DAB1: variants seen among roughly 807,000 people sequenced by gnomAD.
DAB1 encodes disabled homolog 1.
Under a neutral mutation model 64.6 loss-of-function variants are expected in DAB1, and 15 were observed. The ratio of observed to expected loss-of-function variants is 0.23; its 90% CI spans 0.16 to 0.36. The LOEUF is 0.36. DAB1 is among the 10% of genes least tolerant of loss of function. The pLI is 1.00. For missense variants in DAB1, 596 were observed against 706.7 expected (o/e 0.84, Z 1.78); for synonymous variants, 235 against 251.9 (o/e 0.93, Z 0.64).
At chr1:57,991,205 G>C (rs1193664659) in intron 5 of DAB1, among the ~76,000 whole-genome samples, 1 of 152,166 alleles carries the variant, frequency 6.6e-6, no homozygotes, top group African/African-American at 2.4e-5. Context: ...GAAATTAATA[G>C]AGGCAGAGGC....
At chr1:57,757,101 T>G (rs1417780066) in intron 6 of DAB1, among the ~76,000 whole-genome samples, 1 of 152,036 alleles carries the variant, frequency 6.6e-6, no homozygotes, top group Non-Finnish European at 1.5e-5. Flanking sequence ...GGGAATCTTG[T>G]AAAAATGCAG....
At chr1:57,463,184 C>G (rs1187266403) in intron 7 of DAB1, among the ~76,000 whole-genome samples, 1 of 152,172 alleles carries the variant, frequency 6.6e-6, no homozygotes. Flanking sequence ...CTGTTCTACC[C>G]TGGACAGCTT....
At chr1:57,850,293 T>C (rs1292522989) in intron 1 of DAB1, among the ~76,000 whole-genome samples, 1 of 152,106 alleles carries the variant, frequency 6.6e-6, no homozygotes. Flanking sequence ...AGTACCAAAG[T>C]GGCTTAGTGC....
intron 5 of DAB1, among the ~76,000 whole-genome samples, chr1:57,959,633 C>A (rs1645470516): frequency 6.6e-6 from 1 of 152,098 alleles, no homozygotes; most frequent in Non-Finnish European, 1.5e-5. Context: ...TTTAAATTAT[C>A]TTGTAGCTCT....
intron 4 of DAB1, among the ~76,000 whole-genome samples, chr1:58,340,984 G>T (rs72669813): frequency 0.027 from 4,105 of 152,282 alleles, 93 homozygotes; most frequent in Non-Finnish European, 0.039. Flanking sequence ...TGAGGGCTAT[G>T]CTGGTAGAAC....
At chr1:57,654,253 G>A (rs575111629) in intron 6 of DAB1, among the ~76,000 whole-genome samples, 1 of 152,164 alleles carries the variant, frequency 6.6e-6, no homozygotes, top group Non-Finnish European at 1.5e-5. Flanking sequence ...AAAACACCTA[G>A]TATGTCAGAT....
intron 7 of DAB1, among the ~76,000 whole-genome samples, chr1:57,511,908 G>A (rs764937979): frequency 5.1e-4 from 77 of 152,196 alleles, no homozygotes; most frequent in Admixed American, 2.7e-3. Flanking sequence ...ACGGCTCTAC[G>A]TTCCCACCTC....
At chr1:57,029,302 C>T (rs548913250) in intron 9 of DAB1, among the ~76,000 whole-genome samples, 1 of 152,272 alleles carries the variant, frequency 6.6e-6, no homozygotes, top group South Asian at 2.1e-4. Context: ...TGGGAACTTC[C>T]ACCTAGATTT....
intron 5 of DAB1, among the ~76,000 whole-genome samples, chr1:57,996,693 G>T (rs1646430351): frequency 6.6e-6 from 1 of 152,156 alleles, no homozygotes; most frequent in African/African-American, 2.4e-5. Context: ...TTCTAGCTCT[G>T]CATAGATGTC....
intron 1 of DAB1, among the ~76,000 whole-genome samples, chr1:57,868,819 C>T (rs781596540): frequency 2.4e-4 from 37 of 152,144 alleles, no homozygotes; most frequent in Non-Finnish European, 4.9e-4. Flanking sequence ...ACAACACACT[C>T]TTCCTTATTG....
intron 2 of DAB1, among the ~76,000 whole-genome samples, chr1:57,203,696 C>T (rs531416010): frequency 3.3e-5 from 5 of 152,290 alleles, no homozygotes; most frequent in African/African-American, 9.6e-5. Context: ...TTTGTGACCT[C>T]TGCACTGGAC....
chr1:58,351,474 G>A (rs1375233961), intron 3 of DAB1, among the ~76,000 whole-genome samples: 2 of 152,020 alleles, frequency 1.3e-5, no homozygotes, highest in African/African-American at 4.8e-5. Flanking sequence ...AATGATCAGT[G>A]GGAGTGAAGG....
intron 6 of DAB1, among the ~76,000 whole-genome samples, chr1:57,656,674 C>T (rs1450811073): frequency 2.0e-5 from 3 of 152,152 alleles, no homozygotes; most frequent in African/African-American, 7.2e-5. Context: ...TTTTAATAAG[C>T]ACTATGTTTG....
intron 3 of DAB1, among the ~76,000 whole-genome samples, chr1:58,410,650 T>C (rs1464253628): frequency 6.6e-6 from 1 of 152,224 alleles, no homozygotes; most frequent in African/African-American, 2.4e-5. Flanking sequence ...CTTCTTCTGA[T>C]TCCAAGTTTC....
At chr1:58,380,405 C>A (rs963149355) in intron 3 of DAB1, among the ~76,000 whole-genome samples, 8 of 152,196 alleles carry the variant, frequency 5.3e-5, no homozygotes, top group African/African-American at 1.9e-4. Flanking sequence ...CCCAGCCATG[C>A]GGAACTGTGA....
At chr1:57,154,706 T>C (rs768844923) in intron 2 of DAB1, among the ~76,000 whole-genome samples, 2 of 152,236 alleles carry the variant, frequency 1.3e-5, no homozygotes, top group Non-Finnish European at 2.9e-5. Context: ...TCAGCATTTG[T>C]TATTACCTGT....
intron 5 of DAB1, among the ~76,000 whole-genome samples, chr1:58,033,036 T>C (rs1646992881): frequency 6.6e-6 from 1 of 152,124 alleles, no homozygotes; most frequent in South Asian, 2.1e-4. Context: ...CCTGGTGCCT[T>C]TGTGTTGGAT....
intron 3 of DAB1, among the ~76,000 whole-genome samples, chr1:58,438,486 G>T (rs1054530371): frequency 6.6e-6 from 1 of 152,108 alleles, no homozygotes; most frequent in Non-Finnish European, 1.5e-5. Context: ...CAGACAGCTG[G>T]GAGCATTCAG....
intron 7 of DAB1, among the ~76,000 whole-genome samples, chr1:57,531,848 C>T (rs1644667118): frequency 1.3e-5 from 2 of 152,116 alleles, no homozygotes. Context: ...ACAAGGATGT[C>T]ACTAAATATG....
Sources: allele counts gnomAD v4.1 joint callset (sites outside exome capture counted in the v4.1 genomes callset), GRCh38; gene constraint gnomAD v4.1.1; transcripts MANE v1.5; gene names NCBI Gene and HGNC (gene_info 2026-07-23, HGNC 2026-07-21).